The following HGS variants were observed in gnomAD, a reference collection of about 807,000 sequenced individuals.
HGS encodes the protein hepatocyte growth factor-regulated tyrosine kinase substrate.
In HGS, 63 loss-of-function variants were observed where a neutral mutation model predicts 109.7. That is an observed-to-expected ratio of 0.57 (90% CI 0.47 to 0.71). The LOEUF (loss-of-function observed/expected upper bound fraction) is 0.71, where lower values mean the gene tolerates loss of function less well. HGS is among the 30% of genes least tolerant of loss of function. The probability of loss-of-function intolerance (pLI) is 0.00; values close to 1 mark genes in which losing one functional copy is unlikely to be tolerated. For synonymous variants in HGS, 546 were observed against 437.3 expected (o/e 1.25, Z -3.10); for missense variants, 995 against 1,068.3 (o/e 0.93, Z 0.96).
In HGS at chr17:81,700,473, G is replaced by A. The variant is rs976867217; in HGVS notation, c.1889G>A (p.Ser630Asn). The A allele has an allele frequency of 6.4e-5, 100 of 1,568,440 alleles. No individual in the cohort carries two copies. The highest frequency in any genetic ancestry group is 8.6e-5 in the Non-Finnish European group (99 of 1,155,372). The change falls in exon 19 of 22, where the codon AGC (serine) becomes AAC (asparagine). Residue 630 changes from serine to asparagine, a missense_variant. By Grantham distance (46) the Ser-to-Asn change is conservative. This residue lies in a region of HGS where 326 missense variants were observed against 309.7 expected (regional missense o/e 1.05). Transcript: ENST00000329138. ...CCTGTCTTGTTTGTCACAGATCCCAGCATGGTGAGTGCCTACATGTACCCA... is the reference window on the plus strand; with the variant it reads ...CCTGTCTTGTTTGTCACAGATCCCAACATGGTGAGTGCCTACATGTACCCA... Reference protein sequence around the residue: ...PSMPSTAADPSMVSAYMYPAG... With the variant: ...PSMPSTAADPNMVSAYMYPAG...
chr17:81,693,591 C>T lies in HGS; in HGVS notation c.741+10C>T, dbSNP rs568719200. ...GTCTCAGCAGTCCCAGGTACTCAGC[C>T]CCCTCCGTCCCGTGGGCACCTCTTC... On this transcript the variant is annotated intron_variant, in intron 9 of 21. Transcript: ENST00000329138. The T allele has an allele frequency of 2.1e-5, 33 of 1,576,626 alleles. 1 individual carries two copies. The highest frequency in any genetic ancestry group is 1.7e-4 in the Middle Eastern group (1 of 5,772).
chr17:81,688,908 G>T, intron 5 of HGS, 81 bp downstream of exon 5: 1 of 1,569,730 alleles, frequency 6.4e-7, no homozygotes, highest in Non-Finnish European at 8.7e-7. Context: ...GTGGCGAGGG[G>T]CCTGGGAAGA....
At position 81,696,877 on chromosome 17, in the gene HGS, C is replaced by T; in HGVS notation, c.1761C>T (p.Ala587=). Residue 587 remains alanine, a synonymous_variant, in exon 18 of 22, where the codon GCC becomes GCT. Coordinates refer to ENST00000329138, the MANE Select transcript of HGS (RefSeq NM_004712.5). ...GGVLYQPSGP[A]SFPSTFSPAG... ...TGCTCTACCAGCCCTCGGGACCAGC[C>T]AGCTTCCCCAGCACCTTCAGCCCTG... 1 of 1,610,772 alleles carries T rather than the reference C, an allele frequency of 6.2e-7. No individual in the cohort carries two copies. The highest frequency in any genetic ancestry group is 8.5e-7 in the Non-Finnish European group (1 of 1,179,826).
In HGS at chr17:81,693,666, A is replaced by G; in HGVS notation, c.754A>G (p.Arg252Gly). ...CGCTTGTCCTCAGCTGCCCCCCAAGAGGGACGAGACGGCCCTGCAGGAGGA... is the reference window on the plus strand; with the variant it reads ...CGCTTGTCCTCAGCTGCCCCCCAAGGGGGACGAGACGGCCCTGCAGGAGGA... The part of the protein sequence containing the change: ...LSQQSQLPPK[R>G]DETALQEEEE... The change falls in exon 10 of 22, where the codon AGG becomes GGG. Residue 252 changes from arginine to glycine, a missense_variant. Transcript: ENST00000329138. The G allele has an allele frequency of 6.4e-7, 1 of 1,552,998 alleles. No homozygotes were observed. The highest frequency in any genetic ancestry group is 8.7e-7 in the Non-Finnish European group (1 of 1,147,340).
In HGS at chr17:81,686,479, C is replaced by T. The variant is rs962381140; in HGVS notation, c.198+92C>T. 13 of 895,468 alleles carry T rather than the reference C, an allele frequency of 1.5e-5. No homozygotes were observed. In the African/African-American group the frequency reaches 1.8e-4, roughly 13 times the overall value. 55.5% of individuals were successfully genotyped at this position (895,468 alleles called of 1,614,324 possible). A position where few individuals can be genotyped will look rare whatever the true frequency, so the allele number is the denominator to read the frequency against. ...GAAGAGTTTGTCCTGTGGCCTTGCC[C>T]ACCTCCCTGGGCATACATCAAGCAG... On this transcript the variant is annotated intron_variant, in intron 3 of 21. Coordinates refer to ENST00000329138, the MANE Select transcript of HGS (RefSeq NM_004712.5).
Position 81,696,388 on chromosome 17 carries a change from A to C in HGS, c.1425A>C (p.Ala475=). The change falls in exon 16 of 22, where the codon GCA becomes GCC. Residue 475 remains alanine (A), a synonymous_variant. Coordinates refer to ENST00000329138, the MANE Select transcript of HGS (RefSeq NM_004712.5). ...LYYEGLQDKL[A]QIRDARGALS... Reference sequence around the variant, plus strand: ...ATGAGGGGCTGCAGGACAAGCTGGCACAGATCCGCGATGCCCGGGGGGCGC... The same window carrying C: ...ATGAGGGGCTGCAGGACAAGCTGGCCCAGATCCGCGATGCCCGGGGGGCGC... 1 of 1,589,424 alleles carries C rather than the reference A, an allele frequency of 6.3e-7. No homozygotes were observed. The highest frequency in any genetic ancestry group is 2.3e-5 in the East Asian group (1 of 44,232).
chr17:81,694,874 C>T, intron 12 of HGS, 21 bp downstream of exon 12: 1 of 1,614,184 alleles, frequency 6.2e-7, no homozygotes, highest in East Asian at 2.2e-5. Flanking sequence ...GCATGGGGTG[C>T]ATCCTCTCAC....
Position 81,701,592 on chromosome 17 carries a change from G to A in HGS, c.2308G>A (p.Glu770Lys), listed in dbSNP as rs902630470. 6 of 1,568,488 alleles carry A rather than the reference G, an allele frequency of 3.8e-6. No homozygotes were observed. Among genetic ancestry groups the A allele is most frequent in the East Asian group, 2.3e-5 (1 of 42,780 alleles). The change falls in exon 22 of 22, where the codon GAG (glutamate) becomes AAG (lysine). Residue 770 changes from glutamate to lysine, a missense_variant. Around this residue, in one of 6 missense-constraint regions of HGS, gnomAD observed 326 missense variants for 309.7 expected, o/e 1.05. Transcript: ENST00000329138. ...QAQGPPAQGS[E>K]AQLISFD ...ACAGGGGCCGCCGGCACAGGGCAGC[G>A]AGGCCCAGCTCATTTCATTCGACTG...
intron 6 of HGS, 142 bp downstream of exon 6, chr17:81,690,376 C>T (rs778985095): frequency 3.0e-4 from 264 of 874,444 alleles, no homozygotes; most frequent in Non-Finnish European, 3.4e-4. Context: ...GTGTCCTGGG[C>T]GGAGGCGTAG....
chr17:81,685,923 A>C (rs994223036), intron 2 of HGS, among the ~76,000 whole-genome samples: 1 of 152,020 alleles, frequency 6.6e-6, no homozygotes, highest in Admixed American at 6.5e-5. Flanking sequence ...CTCAAAGACT[A>C]AGATGGCAGA....
chr17:81,699,419 T>A (rs997059030), intron 18 of HGS, among the ~76,000 whole-genome samples: 2 of 152,238 alleles, frequency 1.3e-5, no homozygotes, highest in Non-Finnish European at 2.9e-5. Flanking sequence ...TCTCCTCCCA[T>A]CCTTGTTGGT....
rs950897954 is a variant in HGS, at chr17:81,687,046, A to T, written c.242A>T (p.Asp81Val). 1.2e-6 allele frequency: 2 copies of T among 1,613,338 alleles called. No individual in the cohort carries two copies. The highest frequency in any genetic ancestry group is 2.7e-5 in the African/African-American group (2 of 74,928). Residue 81 changes from aspartate to valine, a missense_variant, in exon 4 of 22, where the codon GAT becomes GTT. Physicochemically the swap from Asp to Val is radical, Grantham distance 152 (BLOSUM62 -3). This residue lies in a region of HGS where 182 missense variants were observed against 261.3 expected (regional missense o/e 0.70). Coordinates refer to ENST00000329138, the MANE Select transcript of HGS (RefSeq NM_004712.5). ...VVKNCGQTVH[D>V]EVANKQTMEE... ...AAGAACTGTGGCCAGACAGTTCATG[A>T]TGAGGTGGCCAACAAGCAGACCATG...
rs898191314 is a variant in HGS at position 81,690,869 on chromosome 17, A to G, written c.537+127A>G. ...GGTTCAGGAGGTGAGTGCAGCTCGC[A>G]GCGGGTGGCAGTGTGGCGTCAGGAG... On this transcript the variant is annotated intron_variant, in intron 7 of 21. Transcript: ENST00000329138. The G allele has an allele frequency of 1.6e-5, 12 of 736,726 alleles. No homozygotes were observed. The African/African-American group carries it at 2.0e-4, about 12-fold the overall frequency. The allele number at this position is 736,726 out of a possible 1,614,324, so 45.6% of individuals were successfully genotyped here.
rs772327440 is a variant in HGS at position 81,691,569 on chromosome 17, C to T, written c.660C>T (p.Asn220=). The change falls in exon 8 of 22, where the codon AAC becomes AAT. Residue 220 remains asparagine (N), a splice_region_variant and synonymous_variant. Coordinates refer to ENST00000329138, the MANE Select transcript of HGS (RefSeq NM_004712.5). This position sits in a 1 kb window ranked among gnomAD's most constrained non-coding sequence, Gnocchi z 5.3. ...GTGAGCCCTGCTACGAGCAGCTGAACAGGTGAGTCCCCGCCCCCCATTTGG... is the reference window on the plus strand; with the variant it reads ...GTGAGCCCTGCTACGAGCAGCTGAATAGGTGAGTCCCCGCCCCCCATTTGG... ...RVCEPCYEQL[N]RKAEGKATST... The T allele has an allele frequency of 3.7e-6, 6 of 1,613,976 alleles. No individual in the cohort carries two copies. The highest frequency in any genetic ancestry group is 2.2e-5 in the East Asian group (1 of 44,862).
chr17:81,688,156 C>G (rs1156585817), intron 4 of HGS, among the ~76,000 whole-genome samples: 5 of 152,158 alleles, frequency 3.3e-5, no homozygotes, highest in African/African-American at 9.7e-5. Context: ...GCACGTCACA[C>G]CGGGACGGCG....
chr17:81,695,369 C>T (rs553521630), intron 14 of HGS, 146 bp downstream of exon 14: 1 of 841,810 alleles, frequency 1.2e-6, no homozygotes, highest in East Asian at 2.6e-5. Flanking sequence ...CCTGCCCTGC[C>T]CTGCCCTTTG....
intron 21 of HGS, 92 bp from the exon 22 acceptor site, chr17:81,701,416 C>T: frequency 7.4e-7 from 1 of 1,346,412 alleles, no homozygotes; most frequent in Non-Finnish European, 1.0e-6. Flanking sequence ...ATTACAAGCA[C>T]TTGTGGGTCT....
intron 18 of HGS, among the ~76,000 whole-genome samples, chr17:81,700,169 A>G (rs1243855607): frequency 6.6e-6 from 1 of 151,828 alleles, no homozygotes; most frequent in South Asian, 2.1e-4. Context: ...GATCAAGACA[A>G]TCCTGGCCAA....
At position 81,690,751 on chromosome 17, in the gene HGS, C is replaced by G. The variant is rs2037050738; in HGVS notation, c.537+9C>G. On this transcript the variant is annotated intron_variant, in intron 7 of 21. Transcript: ENST00000329138. Reference sequence around the variant, plus strand: ...GGGTGATGACCCGTAAGGTGAGTTCCCACCTGGGGGGCTCTACAGCCCCGG... The same window carrying G: ...GGGTGATGACCCGTAAGGTGAGTTCGCACCTGGGGGGCTCTACAGCCCCGG... 3.1e-6 allele frequency: 5 copies of G among 1,611,144 alleles called. No individual in the cohort carries two copies. In the East Asian group the frequency reaches 1.1e-4, roughly 36 times the overall value.
Sources: gnomAD v4.1 joint callset for allele counts (sites outside exome capture counted in the v4.1 genomes callset) on GRCh38, gnomAD v4.1.1 for gene constraint, gnomAD v4.1.1 regional missense constraint, Gnocchi (gnomAD v3.1) non-coding constraint, MANE v1.5 for transcripts, NCBI Gene and HGNC (gene_info 2026-07-23, HGNC 2026-07-21) for gene names.